The following OVGP1 variants were observed in gnomAD, a reference collection of about 807,000 sequenced individuals.
OVGP1 encodes oviduct-specific glycoprotein.
In OVGP1, 26 loss-of-function variants were observed where a neutral mutation model predicts 48.2. The ratio of observed to expected loss-of-function variants is 0.54; its 90% CI spans 0.40 to 0.75. The LOEUF is 0.75. Ranked by LOEUF, OVGP1 falls within the 30% of genes least tolerant of loss-of-function variation. The pLI is 0.00. For missense variants in OVGP1, 791 were observed against 820.6 expected, an observed-to-expected ratio of 0.96 and a Z score of 0.44; for synonymous variants, 294 against 305.7, an observed-to-expected ratio of 0.96 and a Z score of 0.40.
Position 111,414,700 on chromosome 1 carries a change from C to T in OVGP1, c.1801G>A (p.Val601Met), listed in dbSNP as rs756687114. The T allele has an allele frequency of 1.9e-5, 30 of 1,613,856 alleles. No individual in the cohort carries two copies. The highest frequency in any genetic ancestry group is 2.4e-5 in the Non-Finnish European group (28 of 1,179,836). ...PLRGENLTSE[V>M]GTHPRMGNLG... ...TTACCCATCCTGGGGTGAGTGCCCA[C>T]CTCAGAAGTCAAATTCTCCCCTCTT... The change falls in exon 11 of 11, where the codon GTG (valine) becomes ATG (methionine). Residue 601 changes from valine (V) to methionine (M), a missense_variant. Physicochemically the swap from Val to Met is conservative, Grantham distance 21 (BLOSUM62 1). Coordinates refer to ENST00000369732, the MANE Select transcript of OVGP1 (RefSeq NM_002557.4).
Position 111,416,421 on chromosome 1 carries a change from A to G in OVGP1, c.1058T>C (p.Met353Thr). ...GTCATCCATGTCCAATGTCCACACCATGGCCCCCCCAAAATGCTCTCGCCT... is the reference window on the plus strand; with the variant it reads ...GTCATCCATGTCCAATGTCCACACCGTGGCCCCCCCAAAATGCTCTCGCCT... ...FIRREHFGGAMVWTLDMDDVR... is the reference protein window; with the variant it reads ...FIRREHFGGATVWTLDMDDVR... The change falls in exon 10 of 11, where the codon ATG (methionine) becomes ACG (threonine). Residue 353 changes from methionine to threonine, a missense_variant. Transcript: ENST00000369732. 6.2e-7 allele frequency: 1 copy of G among 1,606,694 alleles called. No individual in the cohort carries two copies. Among genetic ancestry groups the G allele is most frequent in the Non-Finnish European group, 8.5e-7 (1 of 1,176,546 alleles).
chr1:111,417,279 A>G (rs192092812), intron 9 of OVGP1, among the ~76,000 whole-genome samples: 1 of 152,364 alleles, frequency 6.6e-6, no homozygotes, highest in East Asian at 1.9e-4. Context: ...AATACAGTAG[A>G]GCACAAAATA....
rs1652137070 is a variant in OVGP1 at position 111,416,409 on chromosome 1, A to G, written c.1070T>C (p.Leu357Ser). ...EHFGGAMVWTLDMDDVRGTFC... is the reference protein window; with the variant it reads ...EHFGGAMVWTSDMDDVRGTFC... Reference sequence around the variant, plus strand: ...CGTGCCCCTGACGTCATCCATGTCCAATGTCCACACCATGGCCCCCCCAAA... The same window carrying G: ...CGTGCCCCTGACGTCATCCATGTCCGATGTCCACACCATGGCCCCCCCAAA... The change falls in exon 10 of 11, where the codon TTG becomes TCG. Residue 357 changes from leucine to serine, a missense_variant. Leu to Ser is a moderately radical substitution (Grantham distance 145, BLOSUM62 -2). Coordinates refer to ENST00000369732, the MANE Select transcript of OVGP1 (RefSeq NM_002557.4). The G allele has an allele frequency of 4.4e-6, 7 of 1,608,538 alleles. No individual in the cohort carries two copies. Among genetic ancestry groups the G allele is most frequent in the Non-Finnish European group, 5.1e-6 (6 of 1,177,482 alleles).
At position 111,426,734 on chromosome 1, in the gene OVGP1, C is replaced by G. The variant is rs749540008; in HGVS notation, c.56-93G>C. 38 of 1,553,690 alleles carry G rather than the reference C, an allele frequency of 2.4e-5. No homozygotes were observed. In the African/African-American group the frequency reaches 4.9e-4, roughly 20 times the overall value. On this transcript the variant is annotated intron_variant, in intron 2 of 10. Transcript: ENST00000369732. ...GCAATGTGAACGCAGCCCAAGAGAC[C>G]AGGCCACATTTTCACATCCTCTCTC...
intron 9 of OVGP1, among the ~76,000 whole-genome samples, chr1:111,419,308 T>G (rs1254898774): frequency 6.6e-6 from 1 of 152,176 alleles, no homozygotes; most frequent in African/African-American, 2.4e-5. Flanking sequence ...TTATCTGTTA[T>G]GAAATTAGCT....
chr1:111,422,632 G>A (rs1652297832), intron 6 of OVGP1, among the ~76,000 whole-genome samples: 1 of 152,108 alleles, frequency 6.6e-6, no homozygotes, highest in African/African-American at 2.4e-5. Context: ...ACAGGCCCCT[G>A]GGAATCTCTC....
intron 9 of OVGP1, among the ~76,000 whole-genome samples, chr1:111,417,642 C>A (rs1038506529): frequency 6.6e-6 from 1 of 151,210 alleles, no homozygotes; most frequent in African/African-American, 2.4e-5. Flanking sequence ...CACACACATG[C>A]ACACACACAC....
At chr1:111,424,618 G>A (rs1286816429) in intron 4 of OVGP1, among the ~76,000 whole-genome samples, 1 of 152,210 alleles carries the variant, frequency 6.6e-6, no homozygotes, top group African/African-American at 2.4e-5. Flanking sequence ...CCCTAGCCCA[G>A]CATCTGGAGC....
chr1:111,416,196 G>T, intron 10 of OVGP1, 127 bp downstream of exon 10: 1 of 1,035,064 alleles, frequency 9.7e-7, no homozygotes, highest in Non-Finnish European at 1.3e-6. Context: ...ATATTGGCCT[G>T]GCAAAGCTTT....
Position 111,416,461 on chromosome 1 carries a change from G to A in OVGP1, c.1021-3C>T, listed in dbSNP as rs1178890945. ...TGCTCTCGCCTTATAAACCATGCCT[G>A]TAAAAGTAACAGTCAGTCAACCTGC... is the stretch of plus-strand genomic sequence containing the variant. On this transcript the variant is annotated splice_region_variant and splice_polypyrimidine_tract_variant and intron_variant, in intron 9 of 10. Transcript: ENST00000369732. The A allele has an allele frequency of 1.3e-5, 20 of 1,599,944 alleles. No individual in the cohort carries two copies. The highest frequency in any genetic ancestry group is 1.7e-5 in the Non-Finnish European group (20 of 1,172,658).
intron 8 of OVGP1, among the ~76,000 whole-genome samples, chr1:111,420,422 A>G (rs1217556323): frequency 6.6e-6 from 1 of 152,222 alleles, no homozygotes; most frequent in African/African-American, 2.4e-5. Flanking sequence ...TCATTGGGTT[A>G]GAAAAACACC....
intron 5 of OVGP1, among the ~76,000 whole-genome samples, 175 bp downstream of exon 5, chr1:111,423,368 G>A (rs999886102): frequency 4.6e-5 from 7 of 152,166 alleles, no homozygotes; most frequent in South Asian, 4.1e-4. Flanking sequence ...CAGGTGCAGC[G>A]AAAAGAGCAA....
chr1:111,420,569 A>G (rs1652242940), intron 8 of OVGP1, among the ~76,000 whole-genome samples: 1 of 152,190 alleles, frequency 6.6e-6, no homozygotes, highest in South Asian at 2.1e-4. Context: ...CCTGTCCATC[A>G]GGATTTTCCT....
chr1:111,424,570 AGCTTCCT>A (rs1454450418), intron 4 of OVGP1, among the ~76,000 whole-genome samples: 1 of 152,196 alleles, frequency 6.6e-6, no homozygotes, highest in Non-Finnish European at 1.5e-5. Context: ...CACTTTGTAA[AGCTTCCT>A]GCAAGTGTTC....
At chr1:111,427,234 C>A in intron 1 of OVGP1, 143 bp from the exon 2 acceptor site, 1 of 1,499,168 alleles carries the variant, frequency 6.7e-7, no homozygotes, top group Non-Finnish European at 8.9e-7. Context: ...GACACACACA[C>A]CATTTACTCG....
intron 5 of OVGP1, 129 bp from the exon 6 acceptor site, chr1:111,423,180 T>C: frequency 9.1e-7 from 1 of 1,104,380 alleles, no homozygotes; most frequent in East Asian, 2.5e-5. Flanking sequence ...GAGTTGGACA[T>C]GGGCCATGCC....
At chr1:111,425,248 TA>T in intron 4 of OVGP1, 134 bp downstream of exon 4, 1 of 976,988 alleles carries the variant, frequency 1.0e-6, no homozygotes, top group African/African-American at 1.6e-5. Flanking sequence ...TGCAGGGGTC[TA>T]AGATTCATGA....
At chr1:111,423,772 C>T (rs1480981189) in intron 4 of OVGP1, 64 bp from the exon 5 acceptor site, 16 of 1,518,050 alleles carry the variant, frequency 1.1e-5, no homozygotes, top group African/African-American at 1.4e-5. Flanking sequence ...CCTACAAGGC[C>T]CCTTGCAAGC....
chr1:111,420,620 C>T (rs4839134), intron 8 of OVGP1, among the ~76,000 whole-genome samples: 1,733 of 152,358 alleles, frequency 0.011, 25 homozygotes, highest in Admixed American at 0.036. Context: ...CTCCATAAGA[C>T]CTTTCCAGGT....
Sources: gnomAD v4.1 joint callset for allele counts (sites outside exome capture counted in the v4.1 genomes callset) on GRCh38, gnomAD v4.1.1 for gene constraint, MANE v1.5 for transcripts, NCBI Gene and HGNC (gene_info 2026-07-23, HGNC 2026-07-21) for gene names.